The following SLC5A11 variants were observed in gnomAD, a reference collection of about 807,000 sequenced individuals.
SLC5A11 encodes solute carrier family 5 member 11.
Under a neutral mutation model 69.8 loss-of-function variants are expected in SLC5A11, and 48 were observed. The observed-to-expected ratio is 0.69, with a 90% CI of 0.55 to 0.87. The LOEUF is 0.87. SLC5A11 is among the 40% of genes least tolerant of loss of function. The pLI is 0.00. For synonymous variants in SLC5A11, 319 were observed against 342.4 expected (o/e 0.93, Z 0.75); for missense variants, 784 against 866.1 (o/e 0.91, Z 1.19).
chr16:24,878,967 G>T (rs755615145), intron 7 of SLC5A11, among the ~76,000 whole-genome samples: 1 of 152,074 alleles, frequency 6.6e-6, no homozygotes, highest in Non-Finnish European at 1.5e-5. Flanking sequence ...CCTAGGAGGC[G>T]GAGGTTGCAG....
Position 24,911,336 on chromosome 16 carries a change from A to T in SLC5A11, c.1831A>T (p.Thr611Ser), listed in dbSNP as rs528887690. The change falls in exon 16 of 16, where the codon ACC (threonine) becomes TCC (serine). Residue 611 changes from threonine (T) to serine (S), a missense_variant. Transcript: ENST00000347898. Reference sequence around the variant, plus strand: ...TGCTGGGTTCTTTCTAGGTGACATGACCCCAAAGCAGTCCAAAGTGGTGAA... The same window carrying T: ...TGCTGGGTTCTTTCTAGGTGACATGTCCCCAAAGCAGTCCAAAGTGGTGAA... 59 of 1,613,762 alleles carry T rather than the reference A, an allele frequency of 3.7e-5. 1 individual carries two copies. In the South Asian group the frequency reaches 6.3e-4, roughly 17 times the overall value.
Position 24,905,874 on chromosome 16 carries a change from A to T in SLC5A11, c.1007-783A>T, listed in dbSNP as rs117724184. On this transcript the variant is annotated intron_variant, in intron 10 of 15. Coordinates refer to ENST00000347898, the Ensembl canonical transcript of SLC5A11. ...CTTCCCCCATAGAGTTGTGAAAATTAAATGAGGTGTATGTACAAAGCTTAC... is the reference window on the plus strand; with the variant it reads ...CTTCCCCCATAGAGTTGTGAAAATTTAATGAGGTGTATGTACAAAGCTTAC... Among the ~76,000 whole-genome samples, 943 of 152,288 alleles carry T rather than the reference A, an allele frequency of 6.2e-3. 4 individuals carry two copies. Among genetic ancestry groups the T allele is most frequent in the Non-Finnish European group, 0.011 (744 of 68,012 alleles).
At chr16:24,855,131 CCAAAT>C (rs1253175154) in intron 1 of SLC5A11, among the ~76,000 whole-genome samples, 1 of 152,012 alleles carries the variant, frequency 6.6e-6, no homozygotes, top group Non-Finnish European at 1.5e-5. Flanking sequence ...CACCTGGCCT[CCAAAT>C]TATTTCTCTA....
At chr16:24,865,447 C>T (rs1232415833) in intron 3 of SLC5A11, among the ~76,000 whole-genome samples, 1 of 152,156 alleles carries the variant, frequency 6.6e-6, no homozygotes, top group Non-Finnish European at 1.5e-5. Flanking sequence ...ATCCCAGCTA[C>T]TCAGGAGGCT....
intron 9 of SLC5A11, among the ~76,000 whole-genome samples, chr16:24,894,539 C>T (rs560918125): frequency 1.8e-3 from 268 of 152,264 alleles, no homozygotes; most frequent in Non-Finnish European, 2.8e-3. Flanking sequence ...CAGTGGTTCA[C>T]GCCTGTAATC....
At position 24,901,927 on chromosome 16, in the gene SLC5A11, A is replaced by ACACACACAC. The variant is rs1567684494; in HGVS notation, c.1006+3818_1006+3819insCACACACAC. Among the ~76,000 whole-genome samples, 21 of 126,922 alleles carry ACACACACAC rather than the reference A, an allele frequency of 1.7e-4. 1 individual carries two copies. The highest frequency in any genetic ancestry group is 6.8e-4 in the African/African-American group (21 of 31,104). 83.3% of individuals were successfully genotyped at this position (126,922 alleles called of 152,430 possible). ...TGGCAAGATCCCATCTCTGGAAAAA[A>ACACACACAC]AAATACACACACACACACACACACA... On this transcript the variant is annotated intron_variant, in intron 10 of 15. Transcript: ENST00000347898.
rs759215805 is a variant in SLC5A11, at chr16:24,906,903, G to A, written c.1115-122G>A. On this transcript the variant is annotated intron_variant, in intron 11 of 15. Coordinates refer to ENST00000347898, the Ensembl canonical transcript of SLC5A11. The stretch of plus-strand genomic sequence containing the variant: ...CTCTGGGCTCCCCAAGAAAGGCTAC[G>A]TCCTGCAGGAAGCTCTGCCCCGCCG... 85 of 1,451,740 alleles carry A rather than the reference G, an allele frequency of 5.9e-5. 1 individual carries two copies. Among genetic ancestry groups the A allele is most frequent in the Middle Eastern group, 1.8e-4 (1 of 5,518 alleles). 89.9% of individuals were successfully genotyped at this position (1,451,740 alleles called of 1,614,324 possible). A position where few individuals can be genotyped will look rare whatever the true frequency, so the allele number is the denominator to read the frequency against.
chr16:24,873,650 G>A (rs1255619092), intron 5 of SLC5A11, among the ~76,000 whole-genome samples: 3 of 151,236 alleles, frequency 2.0e-5, no homozygotes, highest in South Asian at 2.1e-4. Flanking sequence ...GTGACACAGC[G>A]AGACCCCGTC....
chr16:24,859,649 G>A (rs191058054), intron 2 of SLC5A11, among the ~76,000 whole-genome samples: 1 of 152,208 alleles, frequency 6.6e-6, no homozygotes, highest in African/African-American at 2.4e-5. Flanking sequence ...TAAACAGAAG[G>A]TAGCTTATAC....
At chr16:24,897,016 G>A (rs374287003) in intron 9 of SLC5A11, among the ~76,000 whole-genome samples, 5 of 138,956 alleles carry the variant, frequency 3.6e-5, no homozygotes, top group East Asian at 4.4e-4. Flanking sequence ...GCAGTGGTGC[G>A]ATCTTGGCTC....
chr16:24,911,409 T>C, exon 16 of SLC5A11: 1 of 1,613,978 alleles, frequency 6.2e-7, no homozygotes, highest in Non-Finnish European at 8.5e-7. Flanking sequence ...AAGGAAGAGC[T>C]CCCGGCCAGA....
At chr16:24,890,483 C>CAAA (rs1171814653) in intron 8 of SLC5A11, among the ~76,000 whole-genome samples, 186 of 77,380 alleles carry the variant, frequency 2.4e-3, no homozygotes, top group African/African-American at 5.2e-3. Flanking sequence ...GACTTCATAT[C>CAAA]AAAAAAAAAA....
At chr16:24,906,610 C>T in intron 10 of SLC5A11, 47 bp from the exon 12 acceptor site, 2 of 1,334,756 alleles carry the variant, frequency 1.5e-6, no homozygotes, top group South Asian at 2.8e-5. Flanking sequence ...GGGCCTGGGG[C>T]TCTGGGGGCC....
intron 1 of SLC5A11, among the ~76,000 whole-genome samples, chr16:24,855,434 CA>C (rs143252263): frequency 0.13 from 11,418 of 90,014 alleles, 826 homozygotes; most frequent in East Asian, 0.39. Context: ...TTCATCTCTA[CA>C]AAAAAAAAAA....
exon 3 of SLC5A11, chr16:24,862,602 C>T (rs772593144): frequency 8.7e-6 from 14 of 1,610,742 alleles, no homozygotes; most frequent in Admixed American, 6.7e-5. Context: ...TTTTTTCAGT[C>T]CACAGTGAAG....
Position 24,846,802 on chromosome 16 carries a change from G to A in SLC5A11, c.-25+364G>A, listed in dbSNP as rs988925211. 5 of 152,350 alleles carry A rather than the reference G, an allele frequency of 3.3e-5. No homozygotes were observed. In the East Asian group the frequency reaches 7.7e-4, roughly 23 times the overall value. 9.4% of individuals were successfully genotyped at this position (152,350 alleles called of 1,614,324 possible). A position where few individuals can be genotyped will look rare whatever the true frequency, so the allele number is the denominator to read the frequency against. ...CACAGGTGTGTTACCCAGAGATAAC[G>A]AAGGTAAATGTATCCACATAAGCAT... On this transcript the variant is annotated intron_variant, in intron 1 of 15. Transcript: ENST00000347898.
chr16:24,892,947 C>A (rs1243757082), intron 9 of SLC5A11, among the ~76,000 whole-genome samples: 1 of 152,042 alleles, frequency 6.6e-6, no homozygotes, highest in Non-Finnish European at 1.5e-5. Context: ...AGAAACAGGA[C>A]TGATCCGGGC....
intron 10 of SLC5A11, among the ~76,000 whole-genome samples, chr16:24,899,844 G>A (rs915491611): frequency 2.6e-5 from 4 of 151,422 alleles, no homozygotes; most frequent in East Asian, 3.9e-4. Flanking sequence ...GCTGGACTAC[G>A]GGTGCCCACC....
chr16:24,848,436 C>A (rs763334854), intron 1 of SLC5A11, among the ~76,000 whole-genome samples: 1 of 151,998 alleles, frequency 6.6e-6, no homozygotes, highest in Non-Finnish European at 1.5e-5. Flanking sequence ...TAGCAAGACC[C>A]CGTCTCTACA....
Sources: allele counts gnomAD v4.1 joint callset (sites outside exome capture counted in the v4.1 genomes callset), GRCh38; gene constraint gnomAD v4.1.1; transcripts MANE v1.5; gene names NCBI Gene and HGNC (gene_info 2026-07-23, HGNC 2026-07-21).